Variants in MYBL2 observed in about 807,000 individuals in gnomAD.
MYBL2 encodes myb-related protein B.
In MYBL2, 28 loss-of-function variants were observed where a neutral mutation model predicts 79.9. The ratio of observed to expected loss-of-function variants is 0.35; its 90% CI spans 0.26 to 0.48. The LOEUF (loss-of-function observed/expected upper bound fraction) is 0.48, where lower values mean the gene tolerates loss of function less well. Ranked by LOEUF, MYBL2 falls within the 20% of genes least tolerant of loss-of-function variation. The pLI is 0.99. For synonymous variants in MYBL2, 378 were observed against 361.2 expected (o/e 1.05, Z -0.53); for missense variants, 735 against 893.9 (o/e 0.82, Z 2.27).
chr20:43,680,513 A>T (rs1486483155), intron 2 of MYBL2, among the ~76,000 whole-genome samples: 2 of 151,338 alleles, frequency 1.3e-5, no homozygotes, highest in Non-Finnish European at 2.9e-5. Flanking sequence ...TTTGTTTGAG[A>T]TGGAGTCTCA....
intron 6 of MYBL2, among the ~76,000 whole-genome samples, chr20:43,696,064 C>T (rs892875215): frequency 5.3e-5 from 8 of 152,086 alleles, no homozygotes; most frequent in African/African-American, 1.9e-4. Flanking sequence ...TAGATTGCTG[C>T]CAGAAGAATT....
At chr20:43,669,077 A>G (rs1986797196) in intron 1 of MYBL2, among the ~76,000 whole-genome samples, 2 of 152,104 alleles carry the variant, frequency 1.3e-5, no homozygotes, top group Admixed American at 1.3e-4. Flanking sequence ...TTGCTCAGGC[A>G]ATCCGCCTGC....
At position 43,699,919 on chromosome 20, in the gene MYBL2, C is replaced by T. The variant is rs753277579; in HGVS notation, c.826C>T (p.Arg276Cys). ...TPEPLEEFPK[R>C]EDQEGSPPET... The stretch of plus-strand genomic sequence containing the variant: ...AGAGCCCTTGGAGGAATTCCCGAAG[C>T]GTGAGGACCAGGAAGGCTCCCCACC... The change falls in exon 7 of 14, where the codon CGT becomes TGT. Residue 276 changes from arginine to cysteine, a missense_variant. Transcript: ENST00000217026. The T allele has an allele frequency of 5.0e-6, 8 of 1,614,082 alleles. No individual in the cohort carries two copies. The highest frequency in any genetic ancestry group is 4.0e-5 in the African/African-American group (3 of 75,010).
chr20:43,678,793 GT>G (rs1987074734), intron 2 of MYBL2, among the ~76,000 whole-genome samples: 1 of 139,790 alleles, frequency 7.2e-6, no homozygotes, highest in Non-Finnish European at 1.5e-5. Flanking sequence ...AGAGGCGGAA[GT>G]TGCAGTGAGC....
intron 4 of MYBL2, 144 bp from the exon 5 acceptor site, chr20:43,686,708 C>G: frequency 1.3e-6 from 1 of 753,254 alleles, no homozygotes; most frequent in Non-Finnish European, 2.1e-6. Context: ...GGTGGCATCC[C>G]CTGCAGCTCG....
chr20:43,706,274 G>C (rs1174493956), intron 9 of MYBL2, among the ~76,000 whole-genome samples: 2 of 152,216 alleles, frequency 1.3e-5, no homozygotes, highest in East Asian at 3.8e-4. Context: ...CCTCTATCAA[G>C]AGTGGAGACT....
chr20:43,685,599 A>G (rs1350243524), intron 4 of MYBL2, among the ~76,000 whole-genome samples: 5 of 152,184 alleles, frequency 3.3e-5, no homozygotes, highest in African/African-American at 1.2e-4. Context: ...CTACCAAAAA[A>G]TACAAAAATT....
chr20:43,679,550 C>T (rs144145731), intron 2 of MYBL2, among the ~76,000 whole-genome samples: 1 of 152,010 alleles, frequency 6.6e-6, no homozygotes, highest in African/African-American at 2.4e-5. Context: ...GGGAGGATTG[C>T]CTGAGTGTAA....
intron 5 of MYBL2, among the ~76,000 whole-genome samples, chr20:43,687,853 TA>T (rs1360675077): frequency 1.3e-5 from 2 of 151,910 alleles, no homozygotes; most frequent in African/African-American, 2.4e-5. Flanking sequence ...TCATCTCTAC[TA>T]AAAATACAAA....
chr20:43,709,481 T>C (rs550755151), intron 9 of MYBL2, among the ~76,000 whole-genome samples: 1 of 152,228 alleles, frequency 6.6e-6, no homozygotes, highest in Admixed American at 6.5e-5. Context: ...TGCTGAAGGG[T>C]TCCCTCCACG....
At chr20:43,692,364 A>C (rs1454410398) in intron 6 of MYBL2, 45 bp downstream of exon 6, 5 of 1,605,496 alleles carry the variant, frequency 3.1e-6, no homozygotes, top group South Asian at 1.1e-5. Flanking sequence ...TTTCACATTC[A>C]TCTGACACCA....
chr20:43,698,080 T>TTTTTTTTTTTTTTTTTG (rs149530290), intron 6 of MYBL2, among the ~76,000 whole-genome samples: 2 of 122,520 alleles, frequency 1.6e-5, no homozygotes, highest in African/African-American at 6.2e-5. Context: ...TTTTTTTTTT[T>TTTTTTTTTTTTTTTTTG]ATCTTGTTAC....
At chr20:43,685,513 T>G in intron 4 of MYBL2, among the ~76,000 whole-genome samples, 1 of 152,084 alleles carries the variant, frequency 6.6e-6, no homozygotes, top group South Asian at 2.1e-4. Context: ...AAAATAAAAT[T>G]TAGTTTGAAA....
intron 2 of MYBL2, among the ~76,000 whole-genome samples, chr20:43,675,781 G>GTGTA (rs1555810053): frequency 4.0e-5 from 6 of 151,640 alleles, no homozygotes; most frequent in Admixed American, 1.3e-4. Context: ...GTGTGTGTGT[G>GTGTA]TGTGTTGTTT....
intron 1 of MYBL2, 86 bp downstream of exon 1, chr20:43,667,389 C>A: frequency 1.0e-6 from 1 of 967,846 alleles, no homozygotes; most frequent in Non-Finnish European, 1.3e-6. Context: ...CCTCCCCAGG[C>A]TCCCACCAAG....
At chr20:43,669,024 T>TG (rs1289689037) in intron 1 of MYBL2, among the ~76,000 whole-genome samples, 1 of 152,188 alleles carries the variant, frequency 6.6e-6, no homozygotes, top group Non-Finnish European at 1.5e-5. Context: ...CCGCCACGCC[T>TG]GGCTAATTTT....
At chr20:43,689,369 CT>C (rs1987353503) in intron 5 of MYBL2, among the ~76,000 whole-genome samples, 1 of 152,154 alleles carries the variant, frequency 6.6e-6, no homozygotes. Flanking sequence ...GAAACTCTGG[CT>C]TCTTTCCCCC....
At chr20:43,680,881 C>A (rs1987126478) in intron 2 of MYBL2, among the ~76,000 whole-genome samples, 1 of 152,156 alleles carries the variant, frequency 6.6e-6, no homozygotes, top group Non-Finnish European at 1.5e-5. Flanking sequence ...TTCAGTAGAA[C>A]CACCAGCACA....
chr20:43,694,150 G>A (rs1239337626), intron 6 of MYBL2, among the ~76,000 whole-genome samples: 1 of 151,972 alleles, frequency 6.6e-6, no homozygotes, highest in East Asian at 1.9e-4. Flanking sequence ...GGCTAACACG[G>A]TGAAACCCCG....
Sources: allele counts gnomAD v4.1 joint callset (sites outside exome capture counted in the v4.1 genomes callset), GRCh38; gene constraint gnomAD v4.1.1; transcripts MANE v1.5; gene names NCBI Gene and HGNC (gene_info 2026-07-23, HGNC 2026-07-21).